Variants in TRABD2B observed in about 807,000 individuals in gnomAD.
The protein encoded by TRABD2B is TraB domain containing 2B, also known as metalloprotease TIKI2.
TRABD2B carries 14 observed loss-of-function variants against 40.1 expected under a neutral mutation model. The ratio of observed to expected loss-of-function variants is 0.35; its 90% CI spans 0.23 to 0.55. TRABD2B has a LOEUF of 0.55. TRABD2B is among the 20% of genes least tolerant of loss of function. TRABD2B has a pLI of 0.90. For synonymous variants in TRABD2B, 263 were observed against 277.0 expected (o/e 0.95, Z 0.50); for missense variants, 541 against 648.6 (o/e 0.83, Z 1.80).
At chr1:47,769,893 C>T (rs766072952) in intron 6 of TRABD2B, among the ~76,000 whole-genome samples, 9 of 152,068 alleles carry the variant, frequency 5.9e-5, no homozygotes, top group Non-Finnish European at 1.0e-4. Context: ...AGGAACAGAC[C>T]CGTGGACTTT....
intron 2 of TRABD2B, among the ~76,000 whole-genome samples, chr1:47,912,708 G>A (rs1034750439): frequency 6.6e-6 from 1 of 152,168 alleles, no homozygotes; most frequent in African/African-American, 2.4e-5. Context: ...ACTGGGCTTC[G>A]TCTCGGTCAC....
intron 2 of TRABD2B, among the ~76,000 whole-genome samples, chr1:47,888,899 G>C (rs557697768): frequency 6.6e-6 from 1 of 152,344 alleles, no homozygotes; most frequent in South Asian, 2.1e-4. Flanking sequence ...GCTACTGAAT[G>C]ATGGGGGCTT....
At chr1:47,916,051 A>C in intron 2 of TRABD2B, among the ~76,000 whole-genome samples, 1 of 151,056 alleles carries the variant, frequency 6.6e-6, no homozygotes, top group Admixed American at 6.6e-5. Flanking sequence ...GTTGCTGAGG[A>C]CGCCGCAGAC....
intron 2 of TRABD2B, among the ~76,000 whole-genome samples, chr1:47,872,111 G>A (rs1195280300): frequency 2.6e-5 from 4 of 152,208 alleles, no homozygotes; most frequent in Non-Finnish European, 5.9e-5. Context: ...GATGCACCTT[G>A]GGAGGACAGC....
At chr1:47,927,531 G>A (rs1644985672) in intron 2 of TRABD2B, among the ~76,000 whole-genome samples, 1 of 152,190 alleles carries the variant, frequency 6.6e-6, no homozygotes, top group Admixed American at 6.5e-5. Context: ...AGTCTAACCA[G>A]GCTGCAAGTG....
At chr1:47,887,370 C>T (rs765262011) in intron 2 of TRABD2B, among the ~76,000 whole-genome samples, 2 of 151,916 alleles carry the variant, frequency 1.3e-5, no homozygotes, top group Admixed American at 1.3e-4. Flanking sequence ...GCTACTAGCT[C>T]TCTCAGTCTG....
chr1:47,863,441 G>A (rs1401993921), intron 2 of TRABD2B, among the ~76,000 whole-genome samples: 4 of 130,920 alleles, frequency 3.1e-5, no homozygotes, highest in African/African-American at 1.1e-4. Flanking sequence ...TAAAAGATGG[G>A]CCAAAGACCT....
intron 6 of TRABD2B, among the ~76,000 whole-genome samples, chr1:47,771,202 T>C (rs1281287803): frequency 6.6e-6 from 1 of 151,952 alleles, no homozygotes; most frequent in Non-Finnish European, 1.5e-5. Flanking sequence ...CTGGAGAATC[T>C]GGGGGCAGGA....
At chr1:47,908,142 T>C (rs1359998448) in intron 2 of TRABD2B, among the ~76,000 whole-genome samples, 1 of 152,214 alleles carries the variant, frequency 6.6e-6, no homozygotes, top group Non-Finnish European at 1.5e-5. Flanking sequence ...TATGGTGAAC[T>C]GAATACAGGA....
intron 2 of TRABD2B, among the ~76,000 whole-genome samples, chr1:47,841,572 C>G (rs972871006): frequency 6.6e-6 from 1 of 152,096 alleles, no homozygotes; most frequent in Non-Finnish European, 1.5e-5. Flanking sequence ...GTTACACTGC[C>G]GAGGAGCTCC....
intron 2 of TRABD2B, among the ~76,000 whole-genome samples, chr1:47,855,253 T>C (rs1392151228): frequency 6.6e-6 from 1 of 152,246 alleles, no homozygotes; most frequent in African/African-American, 2.4e-5. Context: ...TTTTAAAATA[T>C]TGATCTTCTA....
intron 2 of TRABD2B, among the ~76,000 whole-genome samples, chr1:47,862,822 A>AT (rs57616380): frequency 0.36 from 54,235 of 151,938 alleles, 9,803 homozygotes; most frequent in East Asian, 0.49. Flanking sequence ...ACAGTACTCA[A>AT]TTCAAGACTT....
intron 2 of TRABD2B, among the ~76,000 whole-genome samples, chr1:47,917,849 G>A (rs1644850479): frequency 6.6e-6 from 1 of 152,184 alleles, no homozygotes; most frequent in Non-Finnish European, 1.5e-5. Context: ...ATGTTGGCCC[G>A]CAGGCGTGTG....
intron 2 of TRABD2B, among the ~76,000 whole-genome samples, chr1:47,811,744 G>T (rs1342734868): frequency 2.0e-5 from 3 of 152,152 alleles, no homozygotes; most frequent in African/African-American, 7.2e-5. Context: ...GTCCAAGGGC[G>T]CTCAGAGATG....
At chr1:47,784,130 A>G (rs967018699) in intron 4 of TRABD2B, among the ~76,000 whole-genome samples, 1 of 152,058 alleles carries the variant, frequency 6.6e-6, no homozygotes, top group Admixed American at 6.6e-5. Flanking sequence ...CAGTTTCCAG[A>G]TGAGGAAACA....
chr1:47,939,085 G>A (rs1381450965), intron 2 of TRABD2B, among the ~76,000 whole-genome samples: 2 of 152,246 alleles, frequency 1.3e-5, no homozygotes, highest in South Asian at 2.1e-4. Context: ...GGAAGAGAAC[G>A]AGGATCACGG....
At chr1:47,923,179 G>A (rs1644923933) in intron 2 of TRABD2B, among the ~76,000 whole-genome samples, 1 of 152,238 alleles carries the variant, frequency 6.6e-6, no homozygotes, top group African/African-American at 2.4e-5. Context: ...CCTCCTCAGA[G>A]GAGCCCCCTC....
At chr1:47,831,934 T>C (rs1645255245) in intron 2 of TRABD2B, among the ~76,000 whole-genome samples, 1 of 152,074 alleles carries the variant, frequency 6.6e-6, no homozygotes, top group Non-Finnish European at 1.5e-5. Context: ...CTCCAAGTGC[T>C]GTTCTAGGCA....
At chr1:47,849,131 T>C (rs1355924124) in intron 2 of TRABD2B, among the ~76,000 whole-genome samples, 2 of 152,172 alleles carry the variant, frequency 1.3e-5, no homozygotes, top group Non-Finnish European at 2.9e-5. Flanking sequence ...CCCTCCTAAT[T>C]CATATGGTGA....
Sources: gnomAD v4.1 joint callset for allele counts (sites outside exome capture counted in the v4.1 genomes callset) on GRCh38, gnomAD v4.1.1 for gene constraint, MANE v1.5 for transcripts, NCBI Gene and HGNC (gene_info 2026-07-23, HGNC 2026-07-21) for gene names.